Variants in GRK3 observed in about 807,000 individuals in gnomAD.
GRK3 encodes the protein G protein-coupled receptor kinase 3, also known as adrenergic, beta, receptor kinase 2.
A neutral mutation model predicts 95.7 loss-of-function variants in GRK3; 54 were observed. That is an observed-to-expected ratio of 0.56 (90% CI 0.45 to 0.71). The LOEUF is 0.71. GRK3 is among the 30% of genes least tolerant of loss of function. The pLI is 0.00. For missense variants in GRK3, 649 were observed against 851.2 expected (o/e 0.76, Z 2.96); for synonymous variants, 281 against 290.8 (o/e 0.97, Z 0.34).
At chr22:25,616,620 G>C (rs1191270213) in intron 2 of GRK3, among the ~76,000 whole-genome samples, 3 of 152,210 alleles carry the variant, frequency 2.0e-5, no homozygotes, top group Non-Finnish European at 4.4e-5. Flanking sequence ...GCTAAAGGCT[G>C]TGAGAGACGA....
intron 1 of GRK3, among the ~76,000 whole-genome samples, chr22:25,581,627 G>A (rs16980007): frequency 0.027 from 4,095 of 152,040 alleles, 50 homozygotes; most frequent in Middle Eastern, 0.061. Context: ...TTGACCTGAA[G>A]GCTTGCTATA....
chr22:25,696,098 G>A (rs1166248398), intron 13 of GRK3, among the ~76,000 whole-genome samples: 2 of 152,106 alleles, frequency 1.3e-5, no homozygotes, highest in Non-Finnish European at 2.9e-5. Flanking sequence ...GCCTCCCAAA[G>A]TGCTGGGATT....
intron 13 of GRK3, among the ~76,000 whole-genome samples, chr22:25,700,425 C>T (rs976567709): frequency 6.6e-5 from 10 of 152,154 alleles, no homozygotes; most frequent in East Asian, 1.9e-4. Context: ...GTGGAGTTGT[C>T]AGACATGAGG....
At chr22:25,671,457 A>G (rs940986420) in intron 6 of GRK3, among the ~76,000 whole-genome samples, 1 of 152,262 alleles carries the variant, frequency 6.6e-6, no homozygotes, top group Non-Finnish European at 1.5e-5. Flanking sequence ...CCTCATGGAT[A>G]AAGAAAACAC....
rs1042148982 is a variant in GRK3 at position 25,710,071 on chromosome 22, G to A, written c.1395+107G>A. 8.3e-6 allele frequency: 7 copies of A among 843,082 alleles called. No individual in the cohort carries two copies. The East Asian group carries it at 1.7e-4, about 21-fold the overall frequency. 52.2% of individuals were successfully genotyped at this position (843,082 alleles called of 1,614,324 possible). ...TCTCTCTATGCACTGCTGGCTTCCT[G>A]GCTGTGTCTCCCCAGCATCCCCACC... is the stretch of plus-strand genomic sequence containing the variant. On this transcript the variant is annotated intron_variant, in intron 16 of 20. Transcript: ENST00000324198.
chr22:25,587,293 T>C (rs1395033507), intron 1 of GRK3, among the ~76,000 whole-genome samples: 1 of 152,222 alleles, frequency 6.6e-6, no homozygotes, highest in Admixed American at 6.5e-5. Flanking sequence ...GCATGAGGCT[T>C]CCTGACCCTA....
chr22:25,635,871 C>T (rs2084697315), intron 2 of GRK3, among the ~76,000 whole-genome samples: 1 of 152,246 alleles, frequency 6.6e-6, no homozygotes, highest in African/African-American at 2.4e-5. Flanking sequence ...CTGACTCCAT[C>T]ATTCATTCCA....
chr22:25,579,228 C>T (rs1423612289), intron 1 of GRK3, among the ~76,000 whole-genome samples: 1 of 151,474 alleles, frequency 6.6e-6, no homozygotes, highest in East Asian at 1.9e-4. Flanking sequence ...GGTGTGATCA[C>T]AGCTCACTTC....
chr22:25,592,839 A>G (rs1399614729), intron 1 of GRK3, among the ~76,000 whole-genome samples: 1 of 150,124 alleles, frequency 6.7e-6, no homozygotes, highest in African/African-American at 2.4e-5. Flanking sequence ...ATCCAAATCC[A>G]GCAGCACATC....
Position 25,714,583 on chromosome 22 carries a change from A to G in GRK3, c.1654+13A>G. 6.4e-7 allele frequency: 1 copy of G among 1,572,802 alleles called. No homozygotes were observed. ...GGCCACGAAGAAGGTAAAATAGCTC[A>G]CGTGTCTCAAAACATTTCTAATGCA... On this transcript the variant is annotated intron_variant, in intron 18 of 20. Transcript: ENST00000324198.
chr22:25,605,942 G>A (rs1014833213), intron 2 of GRK3, among the ~76,000 whole-genome samples: 8 of 152,208 alleles, frequency 5.3e-5, no homozygotes, highest in Admixed American at 4.6e-4. Context: ...TCCAGTTTCT[G>A]AAATGCATCC....
At chr22:25,660,523 T>C (rs2084902758) in intron 3 of GRK3, among the ~76,000 whole-genome samples, 1 of 152,214 alleles carries the variant, frequency 6.6e-6, no homozygotes, top group South Asian at 2.1e-4. Context: ...AGCCCTCATA[T>C]GACTCATGGG....
intron 1 of GRK3, among the ~76,000 whole-genome samples, chr22:25,600,901 G>C (rs1309308278): frequency 6.6e-6 from 1 of 152,174 alleles, no homozygotes; most frequent in African/African-American, 2.4e-5. Context: ...ACTTAACAAA[G>C]ATTATAAACA....
At chr22:25,712,080 A>T (rs2085348235) in intron 17 of GRK3, among the ~76,000 whole-genome samples, 1 of 152,220 alleles carries the variant, frequency 6.6e-6, no homozygotes. Flanking sequence ...AGCAGCATGT[A>T]CACGCCAAGT....
At chr22:25,585,587 T>G (rs1476105600) in intron 1 of GRK3, among the ~76,000 whole-genome samples, 5 of 152,246 alleles carry the variant, frequency 3.3e-5, no homozygotes, top group Non-Finnish European at 7.3e-5. Flanking sequence ...TACAAAGTTT[T>G]AAAGTTTACA....
chr22:25,565,680 T>G (rs1931453283), intron 1 of GRK3, among the ~76,000 whole-genome samples: 1 of 152,224 alleles, frequency 6.6e-6, no homozygotes, highest in Non-Finnish European at 1.5e-5. Flanking sequence ...CCGAGGTAGT[T>G]AAACTGCTGT....
At chr22:25,574,372 A>C (rs895108546) in intron 1 of GRK3, among the ~76,000 whole-genome samples, 2 of 151,908 alleles carry the variant, frequency 1.3e-5, no homozygotes, top group Non-Finnish European at 2.9e-5. Flanking sequence ...TATGGTCCCA[A>C]CTCCAGCTAC....
At chr22:25,662,055 G>T (rs1216273893) in intron 4 of GRK3, among the ~76,000 whole-genome samples, 1 of 152,228 alleles carries the variant, frequency 6.6e-6, no homozygotes, top group African/African-American at 2.4e-5. Flanking sequence ...ATTTTAAATG[G>T]TCTCTTTGAA....
At chr22:25,701,300 T>G (rs1269726108) in intron 13 of GRK3, among the ~76,000 whole-genome samples, 1 of 152,222 alleles carries the variant, frequency 6.6e-6, no homozygotes, top group Non-Finnish European at 1.5e-5. Context: ...ATTACTATCA[T>G]AGGTTTTCTT....
Sources: allele counts gnomAD v4.1 joint callset (sites outside exome capture counted in the v4.1 genomes callset), GRCh38; gene constraint gnomAD v4.1.1; transcripts MANE v1.5; gene names NCBI Gene and HGNC (gene_info 2026-07-23, HGNC 2026-07-21).